The following NOX4 variants were observed in gnomAD, a reference collection of about 807,000 sequenced individuals.
The protein encoded by NOX4 is NADPH oxidase 4, also known as kidney oxidase-1.
In NOX4, 69 loss-of-function variants were observed where a neutral mutation model predicts 87.6. That is an observed-to-expected ratio of 0.79 (90% CI 0.65 to 0.96). The LOEUF (loss-of-function observed/expected upper bound fraction) is 0.96. Among genes scored for constraint, NOX4 ranks in the 40% least tolerant of loss-of-function variants. The pLI is 0.00. For missense variants in NOX4, 680 were observed against 681.5 expected (o/e 1.00, Z 0.02); for synonymous variants, 275 against 238.2 (o/e 1.15, Z -1.42).
At chr11:89,383,113 T>C (rs908220632) in intron 11 of NOX4, among the ~76,000 whole-genome samples, 3 of 152,152 alleles carry the variant, frequency 2.0e-5, no homozygotes, top group Non-Finnish European at 4.4e-5. Context: ...GCCTTCAAGA[T>C]GTTCAATAAC....
At chr11:89,466,235 CA>C (rs1267117366) in intron 2 of NOX4, among the ~76,000 whole-genome samples, 1 of 152,142 alleles carries the variant, frequency 6.6e-6, no homozygotes, top group Admixed American at 6.5e-5. Flanking sequence ...TTTTAAATGC[CA>C]TTTAAAGTAA....
chr11:89,344,499 A>G (rs1461714049), intron 13 of NOX4, among the ~76,000 whole-genome samples: 2 of 152,178 alleles, frequency 1.3e-5, no homozygotes, highest in African/African-American at 4.8e-5. Context: ...GCAGTGAGCT[A>G]TGATCACACC....
intron 2 of NOX4, 69 bp from the exon 3 acceptor site, chr11:89,451,964 C>CAA: frequency 3.0e-6 from 3 of 1,006,338 alleles, no homozygotes; most frequent in Non-Finnish European, 4.7e-6. Context: ...GCTCTAGAAG[C>CAA]TAGAGGTCTC....
chr11:89,421,069 A>G lies in NOX4; in HGVS notation c.629+833T>C, dbSNP rs1943057760. Among the ~76,000 whole-genome samples the G allele has an allele frequency of 2.0e-5, 3 of 152,286 alleles. 1 individual carries two copies. The South Asian group carries it at 6.2e-4, about 32-fold the overall frequency. On this transcript the variant is annotated intron_variant, in intron 8 of 17. Coordinates refer to ENST00000263317, the MANE Select transcript of NOX4 (RefSeq NM_016931.5). Reference sequence around the variant, plus strand: ...TTGCTACATGAAGGAGTGGGGGTAAATGCTTCTGAGCAAATATAGGGATTT... The same window carrying G: ...TTGCTACATGAAGGAGTGGGGGTAAGTGCTTCTGAGCAAATATAGGGATTT...
the NOX4 span, among the ~76,000 whole-genome samples, chr11:89,516,854 T>C: frequency 6.6e-5 from 10 of 152,140 alleles, no homozygotes; most frequent in Non-Finnish European, 1.5e-4. Flanking sequence ...CCTGATAGCA[T>C]CGTGGGTATT....
intron 2 of NOX4, among the ~76,000 whole-genome samples, chr11:89,455,719 C>CAT (rs60864771): frequency 0.21 from 29,449 of 140,684 alleles, 3,855 homozygotes; most frequent in Middle Eastern, 0.34. Context: ...AAGATGAAGT[C>CAT]ATATATATAT....
chr11:89,434,452 A>T (rs934197857), intron 6 of NOX4, among the ~76,000 whole-genome samples: 23 of 151,750 alleles, frequency 1.5e-4, no homozygotes, highest in Admixed American at 6.6e-4. Flanking sequence ...CTTTTTCATG[A>T]TTTTTCCATT....
the NOX4 span, chr11:89,576,926 T>C: frequency 6.6e-6 from 1 of 152,182 alleles, no homozygotes; most frequent in African/African-American, 2.4e-5. Flanking sequence ...AAAATTATGC[T>C]ATTGGTAAAT....
At chr11:89,431,554 A>C (rs1943784405) in intron 7 of NOX4, among the ~76,000 whole-genome samples, 1 of 152,210 alleles carries the variant, frequency 6.6e-6, no homozygotes. Flanking sequence ...ATGAACAGAC[A>C]CCTCTCAAAA....
chr11:89,436,690 A>G (rs555603224), intron 6 of NOX4, among the ~76,000 whole-genome samples: 1 of 152,278 alleles, frequency 6.6e-6, no homozygotes, highest in East Asian at 1.9e-4. Flanking sequence ...TATTTTACTA[A>G]CATAATTGGA....
chr11:89,542,584 C>G, the NOX4 span, among the ~76,000 whole-genome samples: 1 of 152,130 alleles, frequency 6.6e-6, no homozygotes, highest in Non-Finnish European at 1.5e-5. Flanking sequence ...CCCAGCATGC[C>G]CTAAAGCTGG....
At chr11:89,401,463 A>G (rs1171005541) in intron 9 of NOX4, among the ~76,000 whole-genome samples, 1 of 152,152 alleles carries the variant, frequency 6.6e-6, no homozygotes, top group Non-Finnish European at 1.5e-5. Flanking sequence ...CTAATACACT[A>G]TTCCAAAGTC....
chr11:89,560,325 T>C, the NOX4 span, among the ~76,000 whole-genome samples: 3 of 152,040 alleles, frequency 2.0e-5, no homozygotes, highest in Non-Finnish European at 4.4e-5. Context: ...CCTCCCAATA[T>C]CTTGATTTTG....
intron 8 of NOX4, among the ~76,000 whole-genome samples, chr11:89,407,559 A>G (rs1942255218): frequency 6.6e-6 from 1 of 152,036 alleles, no homozygotes; most frequent in African/African-American, 2.4e-5. Context: ...CAAACTTTCA[A>G]CCATGTTTCA....
intron 5 of NOX4, among the ~76,000 whole-genome samples, chr11:89,440,923 T>C (rs181658369): frequency 9.2e-5 from 14 of 152,220 alleles, no homozygotes; most frequent in African/African-American, 3.4e-4. Context: ...TTCAGAGAAA[T>C]CTATCCATCT....
intron 11 of NOX4, among the ~76,000 whole-genome samples, chr11:89,393,060 A>G (rs1260268869): frequency 6.6e-6 from 1 of 152,092 alleles, no homozygotes; most frequent in Non-Finnish European, 1.5e-5. Flanking sequence ...ACTGGAAGCT[A>G]TGTTGGACAA....
intron 17 of NOX4, among the ~76,000 whole-genome samples, chr11:89,328,402 G>A (rs1945303996): frequency 6.6e-6 from 1 of 152,100 alleles, no homozygotes. Context: ...TATTTGCAAG[G>A]AGTAGAGGGG....
At chr11:89,357,345 A>ATTAT (rs1296102577) in intron 12 of NOX4, among the ~76,000 whole-genome samples, 2 of 152,104 alleles carry the variant, frequency 1.3e-5, no homozygotes, top group Non-Finnish European at 2.9e-5. Context: ...TTTTTCTCGA[A>ATTAT]TTATACTCTT....
the NOX4 span, among the ~76,000 whole-genome samples, chr11:89,559,980 T>C: frequency 7.2e-5 from 11 of 152,130 alleles, no homozygotes; most frequent in Non-Finnish European, 1.3e-4. Context: ...GTTGAAGTCC[T>C]ATACCCTGGC....
Sources: allele counts gnomAD v4.1 joint callset (sites outside exome capture counted in the v4.1 genomes callset), GRCh38; gene constraint gnomAD v4.1.1; transcripts MANE v1.5; gene names NCBI Gene and HGNC (gene_info 2026-07-23, HGNC 2026-07-21).